The following DOCK10 variants were observed in gnomAD, a reference collection of about 807,000 sequenced individuals.
DOCK10 encodes dedicator of cytokinesis protein 10.
Under a neutral mutation model 280.1 loss-of-function variants are expected in DOCK10, and 145 were observed. That is an observed-to-expected ratio of 0.52 (90% CI 0.45 to 0.59). DOCK10 has a LOEUF of 0.59. Ranked by LOEUF, DOCK10 falls within the 20% of genes least tolerant of loss-of-function variation. The pLI is 0.00. For missense variants in DOCK10, 2,368 were observed against 2,651.7 expected (o/e 0.89, Z 2.35); for synonymous variants, 915 against 942.2 (o/e 0.97, Z 0.53).
At chr2:224,919,973 G>A (rs1575059233) in intron 2 of DOCK10, among the ~76,000 whole-genome samples, 1 of 152,164 alleles carries the variant, frequency 6.6e-6, no homozygotes, top group East Asian at 1.9e-4. Context: ...AGGCATAGGT[G>A]CAGGGAGCAA....
chr2:224,966,660 G>A (rs1368180173), intron 1 of DOCK10, among the ~76,000 whole-genome samples: 2 of 152,094 alleles, frequency 1.3e-5, no homozygotes, highest in Non-Finnish European at 2.9e-5. Flanking sequence ...TTATCACACA[G>A]CATCCCTGAG....
intron 23 of DOCK10, among the ~76,000 whole-genome samples, chr2:224,841,400 GA>G (rs1197582501): frequency 1.3e-5 from 2 of 151,928 alleles, no homozygotes; most frequent in South Asian, 2.1e-4. Flanking sequence ...GAATACGTTA[GA>G]AAAAAATAAA....
intron 1 of DOCK10, among the ~76,000 whole-genome samples, chr2:224,989,995 T>C (rs911566320): frequency 5.3e-5 from 8 of 152,220 alleles, no homozygotes; most frequent in Admixed American, 3.3e-4. Context: ...CTGACATTTA[T>C]TGAGTTGTAC....
chr2:224,910,573 A>G (rs764778576), intron 3 of DOCK10, among the ~76,000 whole-genome samples: 1 of 152,214 alleles, frequency 6.6e-6, no homozygotes, highest in African/African-American at 2.4e-5. Flanking sequence ...TGATGATAAT[A>G]ACAAACATAT....
chr2:224,776,080 G>C (rs1200178834), intron 51 of DOCK10, among the ~76,000 whole-genome samples: 1 of 151,994 alleles, frequency 6.6e-6, no homozygotes, highest in Non-Finnish European at 1.5e-5. Context: ...GACAGGCTGG[G>C]GGTACTAAGA....
At chr2:224,892,397 C>CAAAAAAAAAAAAAAAAA (rs1174651393) in intron 4 of DOCK10, among the ~76,000 whole-genome samples, 5 of 52,250 alleles carry the variant, frequency 9.6e-5, no homozygotes, top group African/African-American at 2.3e-4. Flanking sequence ...GACCCTGTCT[C>CAAAAAAAAAAAAAAAAA]AAAAAAAAAA....
chr2:224,848,480 G>A (rs1559552358), intron 19 of DOCK10, among the ~76,000 whole-genome samples: 1 of 152,174 alleles, frequency 6.6e-6, no homozygotes, highest in Non-Finnish European at 1.5e-5. Context: ...GAGCAGAATG[G>A]TGAAGCTTCA....
intron 1 of DOCK10, among the ~76,000 whole-genome samples, chr2:224,966,537 C>G (rs185145671): frequency 1.3e-3 from 198 of 152,208 alleles, no homozygotes; most frequent in African/African-American, 4.5e-3. Flanking sequence ...TTTGCTTTAT[C>G]GCTATTTTCT....
intron 1 of DOCK10, among the ~76,000 whole-genome samples, chr2:224,956,577 T>C (rs947098886): frequency 2.1e-5 from 3 of 142,104 alleles, no homozygotes; most frequent in Non-Finnish European, 4.5e-5. Context: ...TGAGCCGAGA[T>C]TGCACCACTG....
intron 33 of DOCK10, among the ~76,000 whole-genome samples, chr2:224,806,815 GC>G (rs1232058273): frequency 6.6e-6 from 1 of 151,972 alleles, no homozygotes; most frequent in African/African-American, 2.4e-5. Flanking sequence ...TTGCTATGTT[GC>G]CCAGGTTGGT....
At chr2:224,972,440 A>C (rs932183591) in intron 1 of DOCK10, among the ~76,000 whole-genome samples, 1 of 152,188 alleles carries the variant, frequency 6.6e-6, no homozygotes, top group Non-Finnish European at 1.5e-5. Context: ...GCATTCATTC[A>C]TTCATCAAAC....
At position 224,807,982 on chromosome 2, in the gene DOCK10, T is replaced by C; in HGVS notation, c.3514A>G (p.Arg1172Gly). The C allele has an allele frequency of 6.2e-7, 1 of 1,613,014 alleles. No individual in the cohort carries two copies. Among genetic ancestry groups the C allele is most frequent in the Admixed American group, 1.7e-5 (1 of 59,852 alleles). ...TTTAGGACAGCTAAAGCTAAGTGTCTGACATCTTGGTCTTCCTGCAGGGCA... is the reference window on the plus strand; with the variant it reads ...TTTAGGACAGCTAAAGCTAAGTGTCCGACATCTTGGTCTTCCTGCAGGGCA... ...GFALQEDQDV[R>G]HLALAVLKNL... Residue 1172 changes from arginine to glycine, a missense_variant, in exon 32 of 56, where the codon AGA (arginine) becomes GGA (glycine). Transcript: ENST00000258390.
intron 28 of DOCK10, among the ~76,000 whole-genome samples, chr2:224,823,053 T>C (rs1393163214): frequency 6.7e-6 from 1 of 150,286 alleles, no homozygotes; most frequent in South Asian, 2.1e-4. Flanking sequence ...AGTGGTGTGA[T>C]CTCGGCTCAC....
At chr2:224,827,054 G>A (rs1694915423) in intron 27 of DOCK10, among the ~76,000 whole-genome samples, 1 of 151,980 alleles carries the variant, frequency 6.6e-6, no homozygotes, top group Non-Finnish European at 1.5e-5. Context: ...CCTAAGGTCA[G>A]GAGTTGGAGA....
At chr2:224,811,051 A>G (rs1358745540) in intron 31 of DOCK10, among the ~76,000 whole-genome samples, 2 of 152,224 alleles carry the variant, frequency 1.3e-5, no homozygotes, top group South Asian at 2.1e-4. Flanking sequence ...ATCCCTGAGG[A>G]ATCGCCACAC....
chr2:224,967,124 G>C (rs1421633533), intron 1 of DOCK10, among the ~76,000 whole-genome samples: 1 of 148,212 alleles, frequency 6.7e-6, no homozygotes. Flanking sequence ...CTGTCGCCCA[G>C]GCTGGAGTGC....
At chr2:224,862,621 A>C in intron 14 of DOCK10, 43 bp downstream of exon 14, 1 of 1,516,138 alleles carries the variant, frequency 6.6e-7, no homozygotes, top group Non-Finnish European at 9.2e-7. Flanking sequence ...CAATGCCACC[A>C]TTAAATGTAT....
intron 3 of DOCK10, among the ~76,000 whole-genome samples, chr2:224,900,420 G>A (rs1486392156): frequency 6.6e-6 from 1 of 152,156 alleles, no homozygotes; most frequent in Non-Finnish European, 1.5e-5. Flanking sequence ...GCAAGCAGAG[G>A]TTCAGATCTT....
intron 1 of DOCK10, among the ~76,000 whole-genome samples, chr2:225,024,846 C>T (rs185338681): frequency 1.0e-3 from 154 of 151,804 alleles, no homozygotes; most frequent in Middle Eastern, 6.8e-3. Flanking sequence ...GCTGAGATCA[C>T]GCTACTGTGC....
Sources: gnomAD v4.1 joint callset for allele counts (sites outside exome capture counted in the v4.1 genomes callset) on GRCh38, gnomAD v4.1.1 for gene constraint, MANE v1.5 for transcripts, NCBI Gene and HGNC (gene_info 2026-07-23, HGNC 2026-07-21) for gene names.